The following BORCS5 variants were observed in gnomAD, a reference collection of about 807,000 sequenced individuals.
The protein encoded by BORCS5 is BLOC-1-related complex subunit 5.
BORCS5 carries 17 observed loss-of-function variants against 22.1 expected under a neutral mutation model. The observed-to-expected ratio is 0.77, with a 90% confidence interval of 0.53 to 1.15. The LOEUF is 1.15. Among genes scored for constraint, BORCS5 ranks in the 50% most tolerant of loss-of-function variants. The pLI is 0.00. For missense variants in BORCS5, 247 were observed against 253.2 expected, an observed-to-expected ratio of 0.98 and a Z score of 0.17; for synonymous variants, 117 against 99.8, an observed-to-expected ratio of 1.17 and a Z score of -1.03.
intron 2 of BORCS5, among the ~76,000 whole-genome samples, chr12:12,404,421 A>C (rs1038695600): frequency 8.5e-5 from 13 of 152,220 alleles, no homozygotes; most frequent in African/African-American, 3.1e-4. Context: ...TCTGCCCTCA[A>C]CTGGCAGAAG....
chr12:12,425,332 T>C (rs548068845), intron 2 of BORCS5, among the ~76,000 whole-genome samples: 4 of 152,302 alleles, frequency 2.6e-5, no homozygotes, highest in African/African-American at 9.6e-5. Context: ...ACCAGTGCAA[T>C]TATTTAGTTG....
chr12:12,416,188 T>C (rs1212742084), intron 2 of BORCS5, among the ~76,000 whole-genome samples: 4 of 152,150 alleles, frequency 2.6e-5, no homozygotes. Flanking sequence ...TTTCTCGTTT[T>C]AGTATTTGAG....
intron 3 of BORCS5, chr12:12,452,532 GGC>G: frequency 2.6e-6 from 1 of 388,482 alleles, no homozygotes; most frequent in Non-Finnish European, 5.2e-6. Flanking sequence ...GGTGCGGGCC[GGC>G]GCGCAAGCCT....
chr12:12,438,385 A>AAAAAAAAAAAAAAAAC (rs1555156048), intron 3 of BORCS5, among the ~76,000 whole-genome samples: 1 of 126,148 alleles, frequency 7.9e-6, no homozygotes, highest in Non-Finnish European at 1.7e-5. Flanking sequence ...AAAAAACGAA[A>AAAAAAAAAAAAAAAAC]AACAACAACA....
rs780409459 is a variant in BORCS5, at chr12:12,359,448, G to A, written c.59-1758G>A. Among the ~76,000 whole-genome samples, 5 of 146,982 alleles carry A rather than the reference G, an allele frequency of 3.4e-5. No homozygotes were observed. In the South Asian group the frequency reaches 6.4e-4, roughly 19 times the overall value. On this transcript the variant is annotated intron_variant, in intron 1 of 3. Transcript: ENST00000314565. ...ATGATCTTGGCTCACTGCAACCTCC[G>A]CCTCCCGGATTCAAGCAATTTTCCT...
intron 2 of BORCS5, among the ~76,000 whole-genome samples, chr12:12,430,612 ATGAGTT>A (rs755863288): frequency 2.6e-5 from 4 of 152,160 alleles, no homozygotes; most frequent in Non-Finnish European, 4.4e-5. Context: ...TTTTGTTAAA[ATGAGTT>A]TATTTATTTA....
chr12:12,413,893 C>A (rs1941820483), intron 2 of BORCS5, among the ~76,000 whole-genome samples: 2 of 60,844 alleles, frequency 3.3e-5, no homozygotes, highest in South Asian at 7.6e-4. Flanking sequence ...GGCTGACCCC[C>A]CCACCTCCCT....
intron 2 of BORCS5, among the ~76,000 whole-genome samples, chr12:12,399,354 T>G (rs144727992): frequency 2.3e-4 from 35 of 152,252 alleles, no homozygotes; most frequent in African/African-American, 8.2e-4. Flanking sequence ...AGCCCACTAT[T>G]GTTCCCCAAA....
In BORCS5 at chr12:12,470,558, C is replaced by T. The variant is rs868477002; in HGVS notation, c.*4782C>T. 6.6e-6 allele frequency among the ~76,000 whole-genome samples: 1 copy of T among 152,110 alleles called. No homozygotes were observed. The highest frequency in any genetic ancestry group is 2.4e-5 in the African/African-American group (1 of 41,398). On this transcript the variant is annotated 3_prime_UTR_variant, in exon 4 of 4. Coordinates refer to ENST00000314565, the MANE Select transcript of BORCS5 (RefSeq NM_058169.6). ...CTGATGATCTGAGATGGAACGGTTTCATCCAGAAACCATCCCCCTGCTTCC... is the reference window on the plus strand; with the variant it reads ...CTGATGATCTGAGATGGAACGGTTTTATCCAGAAACCATCCCCCTGCTTCC...
rs555069384 is a variant in BORCS5 at position 12,416,207 on chromosome 12, C to CT, written c.203-19415dup. Among the ~76,000 whole-genome samples the CT allele has an allele frequency of 2.4e-4, 37 of 152,114 alleles. 1 individual carries two copies. The East Asian group carries it at 7.1e-3, about 29-fold the overall frequency. The stretch of plus-strand genomic sequence containing the variant: ...TCGTTTTAGTATTTGAGTTGTCTCT[C>CT]TTTTTTCTTAGTTCCTCTACTCTAG... On this transcript the variant is annotated intron_variant, in intron 2 of 3. Coordinates refer to ENST00000314565, the MANE Select transcript of BORCS5 (RefSeq NM_058169.6).
intron 3 of BORCS5, among the ~76,000 whole-genome samples, chr12:12,447,495 C>T (rs1942813175): frequency 6.6e-6 from 1 of 152,200 alleles, no homozygotes; most frequent in African/African-American, 2.4e-5. Flanking sequence ...AGATCAGGCT[C>T]CAGCCTGATG....
At chr12:12,367,854 T>C (rs1565830956) in intron 2 of BORCS5, among the ~76,000 whole-genome samples, 3 of 152,256 alleles carry the variant, frequency 2.0e-5, no homozygotes, top group Non-Finnish European at 4.4e-5. Flanking sequence ...GCTCCTGTCC[T>C]TTTCTCTTTT....
intron 3 of BORCS5, among the ~76,000 whole-genome samples, chr12:12,459,185 C>T (rs1034171180): frequency 6.6e-5 from 10 of 151,304 alleles, no homozygotes; most frequent in African/African-American, 2.2e-4. Flanking sequence ...CATGAGCCAC[C>T]GCACCCGGCC....
At chr12:12,366,423 A>G (rs2136022058) in intron 2 of BORCS5, among the ~76,000 whole-genome samples, 1 of 152,356 alleles carries the variant, frequency 6.6e-6, no homozygotes, top group East Asian at 1.9e-4. Context: ...TTGCATAAAT[A>G]TACCAGAGTA....
intron 3 of BORCS5, chr12:12,452,201 A>G: frequency 1.6e-6 from 1 of 608,222 alleles, no homozygotes. Flanking sequence ...CAGCTGATAC[A>G]GGTTCAGCAC....
intron 2 of BORCS5, among the ~76,000 whole-genome samples, chr12:12,386,092 C>T (rs938579325): frequency 1.3e-5 from 2 of 150,784 alleles, no homozygotes; most frequent in Non-Finnish European, 3.0e-5. Context: ...CCTCTGCCTC[C>T]TGAGTTCAAG....
rs532750023 is a variant in BORCS5 at position 12,364,704 on chromosome 12, C to T, written c.202+3355C>T. Among the ~76,000 whole-genome samples the T allele has an allele frequency of 3.9e-5, 6 of 152,248 alleles. No homozygotes were observed. The South Asian group carries it at 8.3e-4, about 21-fold the overall frequency. On this transcript the variant is annotated intron_variant, in intron 2 of 3. Transcript: ENST00000314565. ...ACTGAGGGCTGGCCATGGTGGCTCA[C>T]GCCTGTAATCCTAGCACTTTGGAAG...
chr12:12,424,246 C>T (rs976508988), intron 2 of BORCS5, among the ~76,000 whole-genome samples: 2 of 151,984 alleles, frequency 1.3e-5, no homozygotes, highest in African/African-American at 4.8e-5. Flanking sequence ...TTTTTTCTTT[C>T]TGTTCCTCAG....
rs148357267 is a variant in BORCS5 at position 12,448,350 on chromosome 12, G to A, written c.360+12565G>A. ...CCTGTCTCAGCTTCCCAAGTAGCTGGGATTACAGGTGCCTGCCACCACACC... is the reference window on the plus strand; with the variant it reads ...CCTGTCTCAGCTTCCCAAGTAGCTGAGATTACAGGTGCCTGCCACCACACC... On this transcript the variant is annotated intron_variant, in intron 3 of 3. Coordinates refer to ENST00000314565, the MANE Select transcript of BORCS5 (RefSeq NM_058169.6). 2.9e-3 allele frequency among the ~76,000 whole-genome samples: 434 copies of A among 152,100 alleles called. 5 individuals are homozygous for A. The highest frequency in any genetic ancestry group is 9.9e-3 in the African/African-American group (410 of 41,492).
Sources: allele counts gnomAD v4.1 joint callset (sites outside exome capture counted in the v4.1 genomes callset), GRCh38; gene constraint gnomAD v4.1.1; transcripts MANE v1.5; gene names NCBI Gene and HGNC (gene_info 2026-07-23, HGNC 2026-07-21).